The following SERP2 variants were observed in gnomAD, a reference collection of about 807,000 sequenced individuals.
SERP2 encodes stress-associated endoplasmic reticulum protein 2.
A neutral mutation model predicts 9.1 loss-of-function variants in SERP2; 6 were observed. The ratio of observed to expected loss-of-function variants is 0.66; its 90% CI spans 0.36 to 1.30. The LOEUF is 1.30. SERP2 is among the 50% of genes most tolerant of loss of function. The pLI, the probability that SERP2 is intolerant of heterozygous loss-of-function variation, is 0.03. For missense variants in SERP2, 58 were observed against 81.9 expected (o/e 0.71, Z 1.13); for synonymous variants, 37 against 27.3 (o/e 1.35, Z -1.10).
At chr13:44,395,546 G>A (rs1276131639) in intron 2 of SERP2, among the ~76,000 whole-genome samples, 1 of 148,304 alleles carries the variant, frequency 6.7e-6, no homozygotes, top group East Asian at 2.0e-4. Flanking sequence ...GGAGCTTGCA[G>A]TGAGCCGAGA....
At chr13:44,389,757 CCTCT>C (rs1410167025) in intron 2 of SERP2, among the ~76,000 whole-genome samples, 10 of 152,104 alleles carry the variant, frequency 6.6e-5, no homozygotes, top group African/African-American at 1.2e-4. Flanking sequence ...ATAGCTAGAA[CCTCT>C]CTAAGTCTAG....
At chr13:44,394,801 G>C (rs2138800503) in intron 2 of SERP2, among the ~76,000 whole-genome samples, 1 of 152,300 alleles carries the variant, frequency 6.6e-6, no homozygotes, top group Non-Finnish European at 1.5e-5. Flanking sequence ...GCTGGGACAG[G>C]GAGAAGCAGC....
intron 1 of SERP2, among the ~76,000 whole-genome samples, chr13:44,377,263 G>A (rs190972794): frequency 1.5e-3 from 236 of 152,320 alleles, no homozygotes; most frequent in African/African-American, 5.5e-3. Flanking sequence ...TCCTGGGCAA[G>A]TAATTCATTA....
At chr13:44,382,027 G>GATGA (rs1329330181) in intron 2 of SERP2, among the ~76,000 whole-genome samples, 2 of 151,804 alleles carry the variant, frequency 1.3e-5, no homozygotes, top group Non-Finnish European at 2.9e-5. Flanking sequence ...TGGATGGATG[G>GATGA]ATGGATGGAT....
chr13:44,383,554 T>TTG (rs1400822037), intron 2 of SERP2, among the ~76,000 whole-genome samples: 3 of 139,870 alleles, frequency 2.1e-5, no homozygotes, highest in African/African-American at 2.8e-5. Flanking sequence ...GTTTTTTTTG[T>TTG]TTTTTTTTTT....
chr13:44,384,045 CT>C lies in SERP2; in HGVS notation c.157+4342del, dbSNP rs943984840. On this transcript the variant is annotated intron_variant, in intron 2 of 2. Transcript: ENST00000379179. ...ATAACTAAAAATAATTCACCACCAC[CT>C]TTTTTTTTTCTTGCCAACTTTAGCA... is the stretch of plus-strand genomic sequence containing the variant. Among the ~76,000 whole-genome samples the C allele has an allele frequency of 1.4e-3, 214 of 149,628 alleles. 2 individuals are homozygous for C. Among genetic ancestry groups the C allele is most frequent in the African/African-American group, 4.8e-3 (198 of 40,940 alleles).
intron 2 of SERP2, among the ~76,000 whole-genome samples, chr13:44,388,119 C>A (rs1479388581): frequency 1.4e-5 from 2 of 139,504 alleles, no homozygotes; most frequent in Non-Finnish European, 3.0e-5. Context: ...TAAAAAAAAT[C>A]TAGACTAGTG....
At chr13:44,392,758 A>G (rs1872853625) in intron 2 of SERP2, among the ~76,000 whole-genome samples, 1 of 152,074 alleles carries the variant, frequency 6.6e-6, no homozygotes, top group Non-Finnish European at 1.5e-5. Context: ...TCAACTAGAT[A>G]GTGGAAGGTG....
intron 2 of SERP2, among the ~76,000 whole-genome samples, chr13:44,385,973 A>G (rs1872290373): frequency 1.3e-5 from 2 of 152,164 alleles, no homozygotes; most frequent in Non-Finnish European, 2.9e-5. Flanking sequence ...TCCCGGCTGC[A>G]TGTTCAGTTG....
chr13:44,386,968 G>A (rs920840860), intron 2 of SERP2, among the ~76,000 whole-genome samples: 5 of 152,166 alleles, frequency 3.3e-5, no homozygotes, highest in African/African-American at 1.2e-4. Flanking sequence ...TTCCATTTCT[G>A]CAGGCAGTGG....
chr13:44,395,828 G>A (rs1043458122), intron 2 of SERP2: 30 of 457,012 alleles, frequency 6.6e-5, no homozygotes, highest in Non-Finnish European at 1.1e-4. Flanking sequence ...AATAGTACAG[G>A]ACCCACTGCA....
chr13:44,397,587 G>T lies in SERP2; in HGVS notation c.*275G>T. The T allele has an allele frequency of 6.1e-6, 3 of 493,040 alleles. No homozygotes were observed. Among genetic ancestry groups the T allele is most frequent in the South Asian group, 2.2e-5 (1 of 45,434 alleles). The allele number at this position is 493,040 out of a possible 1,614,324, so 30.5% of individuals were successfully genotyped here. On this transcript the variant is annotated 3_prime_UTR_variant, in exon 3 of 3. Transcript: ENST00000379179. ...TCGTCCGCAGCAGTGCTGTTTTTTT[G>T]GTTTTTCCCTTGGTTTCACTAATGC...
chr13:44,395,786 T>C, intron 2 of SERP2: 1 of 456,906 alleles, frequency 2.2e-6, no homozygotes, highest in South Asian at 1.6e-5. Context: ...TCTAACAGTT[T>C]CTGTTTTCAG....
intron 2 of SERP2, among the ~76,000 whole-genome samples, chr13:44,386,572 C>G (rs957908843): frequency 6.6e-6 from 1 of 152,172 alleles, no homozygotes; most frequent in South Asian, 2.1e-4. Context: ...TTAGTAGAGA[C>G]AGGGTTTCAC....
intron 1 of SERP2, among the ~76,000 whole-genome samples, chr13:44,376,558 T>A (rs1871662105): frequency 1.3e-5 from 2 of 152,128 alleles, no homozygotes; most frequent in Non-Finnish European, 2.9e-5. Context: ...ATGGATCACC[T>A]GAGGTCAGGA....
Position 44,397,376 on chromosome 13 carries a change from G to C in SERP2, c.*64G>C. 1 of 1,277,386 alleles carries C rather than the reference G, an allele frequency of 7.8e-7. No homozygotes were observed. The highest frequency in any genetic ancestry group is 1.2e-5 in the South Asian group (1 of 84,462). The allele number at this position is 1,277,386 out of a possible 1,614,324, so 79.1% of individuals were successfully genotyped here. On this transcript the variant is annotated 3_prime_UTR_variant, in exon 3 of 3. Transcript: ENST00000379179. ...GGCGGGAGGACAACGGAAGCGGTCA[G>C]CCAGTTTCTGCGGGAAACAAGCAGG... is the stretch of plus-strand genomic sequence containing the variant.
chr13:44,396,827 C>A (rs1289611898), intron 2 of SERP2, among the ~76,000 whole-genome samples: 1 of 152,198 alleles, frequency 6.6e-6, no homozygotes, highest in Non-Finnish European at 1.5e-5. Context: ...TGGGCTGCTC[C>A]GAGCACCTGG....
chr13:44,392,824 C>T (rs1186587941), intron 2 of SERP2, among the ~76,000 whole-genome samples: 1 of 152,034 alleles, frequency 6.6e-6, no homozygotes, highest in Non-Finnish European at 1.5e-5. Flanking sequence ...TCATCAACAG[C>T]TAGGTGGCAA....
chr13:44,393,847 A>G lies in SERP2; in HGVS notation c.158-3425A>G, dbSNP rs183736051. On this transcript the variant is annotated intron_variant, in intron 2 of 2. Transcript: ENST00000379179. ...GAATGTGTAAGTTTTCTTAAAGACAATGATACAACTGAAAAAGAAATAATA... is the reference window on the plus strand; with the variant it reads ...GAATGTGTAAGTTTTCTTAAAGACAGTGATACAACTGAAAAAGAAATAATA... Among the ~76,000 whole-genome samples, 176 of 152,330 alleles carry G rather than the reference A, an allele frequency of 1.2e-3. 1 individual carries two copies. Among genetic ancestry groups the G allele is most frequent in the Middle Eastern group, 0.01 (3 of 294 alleles).
Sources: gnomAD v4.1 joint callset for allele counts (sites outside exome capture counted in the v4.1 genomes callset) on GRCh38, gnomAD v4.1.1 for gene constraint, MANE v1.5 for transcripts, NCBI Gene and HGNC (gene_info 2026-07-23, HGNC 2026-07-21) for gene names.